The following COMMD10 variants were observed in gnomAD, a reference collection of about 807,000 sequenced individuals.
The protein encoded by COMMD10 is COMM domain-containing protein 10.
COMMD10 carries 33 observed loss-of-function variants against 28.9 expected under a neutral mutation model. That is an observed-to-expected ratio of 1.14 (90% CI 0.87 to 1.53). The LOEUF (loss-of-function observed/expected upper bound fraction) is 1.53. Ranked by LOEUF, COMMD10 falls within the 40% of genes most tolerant of loss-of-function variation. The pLI is 0.00. For synonymous variants in COMMD10, 110 were observed against 81.7 expected (o/e 1.35, Z -1.87); for missense variants, 310 against 233.4 (o/e 1.33, Z -2.14).
At chr5:116,224,389 G>A (rs1170703448) in intron 5 of COMMD10, among the ~76,000 whole-genome samples, 1 of 152,100 alleles carries the variant, frequency 6.6e-6, no homozygotes, top group Non-Finnish European at 1.5e-5. Context: ...GAATATCTGA[G>A]ACTGGGTAAT....
chr5:116,230,841 A>G (rs190388591), intron 5 of COMMD10, among the ~76,000 whole-genome samples: 1 of 151,932 alleles, frequency 6.6e-6, no homozygotes, highest in East Asian at 1.9e-4. Flanking sequence ...CATGATATAT[A>G]GATAAATAAT....
At chr5:116,151,568 T>C (rs2112552878) in intron 5 of COMMD10, among the ~76,000 whole-genome samples, 1 of 152,310 alleles carries the variant, frequency 6.6e-6, no homozygotes, top group East Asian at 1.9e-4. Flanking sequence ...AGTCAACTTC[T>C]TCCTGGTTTA....
At chr5:116,188,207 A>C (rs1220774169) in intron 5 of COMMD10, among the ~76,000 whole-genome samples, 1 of 151,890 alleles carries the variant, frequency 6.6e-6, no homozygotes, top group African/African-American at 2.4e-5. Flanking sequence ...GTCATGATCA[A>C]CTCCTAAGGG....
intron 5 of COMMD10, among the ~76,000 whole-genome samples, chr5:116,192,526 C>G (rs1364299114): frequency 6.6e-6 from 1 of 152,040 alleles, no homozygotes; most frequent in African/African-American, 2.4e-5. Flanking sequence ...GTGAAATGCT[C>G]TGGAAAGTCT....
chr5:116,136,766 A>T (rs1235186766), intron 5 of COMMD10, among the ~76,000 whole-genome samples: 1 of 152,206 alleles, frequency 6.6e-6, no homozygotes, highest in Non-Finnish European at 1.5e-5. Context: ...GGATAGATGC[A>T]TATATGCACA....
intron 5 of COMMD10, among the ~76,000 whole-genome samples, chr5:116,191,177 T>C (rs1484654616): frequency 2.0e-5 from 3 of 152,112 alleles, no homozygotes; most frequent in African/African-American, 7.2e-5. Flanking sequence ...CATTCCTGCA[T>C]GACACCACAG....
In COMMD10 at chr5:116,292,938, A is replaced by G. The variant is rs577552181; in HGVS notation, c.*449A>G. 22 of 396,614 alleles carry G rather than the reference A, an allele frequency of 5.5e-5. No homozygotes were observed. Among genetic ancestry groups the G allele is most frequent in the East Asian group, 2.9e-4 (8 of 27,876 alleles). 24.6% of individuals were successfully genotyped at this position (396,614 alleles called of 1,614,324 possible). On this transcript the variant is annotated 3_prime_UTR_variant, in exon 7 of 7. Transcript: ENST00000274458. Reference sequence around the variant, plus strand: ...ATAGCCATATACAATCAAATACACTATGGCATTTTTATTTGAATATGATGA... The same window carrying G: ...ATAGCCATATACAATCAAATACACTGTGGCATTTTTATTTGAATATGATGA...
chr5:116,159,217 A>G (rs994023480), intron 5 of COMMD10, among the ~76,000 whole-genome samples: 2 of 152,120 alleles, frequency 1.3e-5, no homozygotes, highest in African/African-American at 4.8e-5. Flanking sequence ...CATGATCTAA[A>G]CTCATGCTGC....
chr5:116,163,394 G>T (rs551874370), intron 5 of COMMD10, among the ~76,000 whole-genome samples: 1 of 141,114 alleles, frequency 7.1e-6, no homozygotes, highest in African/African-American at 2.9e-5. Context: ...AGACTAGCCT[G>T]GCCAACATGG....
chr5:116,283,188 A>G (rs1244286222), intron 5 of COMMD10, among the ~76,000 whole-genome samples: 1 of 151,898 alleles, frequency 6.6e-6, no homozygotes. Flanking sequence ...CCTCTCCTAC[A>G]AAAACAACCA....
chr5:116,197,481 A>C (rs1371376280), intron 5 of COMMD10, among the ~76,000 whole-genome samples: 1 of 152,076 alleles, frequency 6.6e-6, no homozygotes, highest in Non-Finnish European at 1.5e-5. Flanking sequence ...TCCTGGGCTC[A>C]AGTGATTCAC....
chr5:116,243,965 A>T (rs539108358), intron 5 of COMMD10, among the ~76,000 whole-genome samples: 41 of 152,320 alleles, frequency 2.7e-4, no homozygotes, highest in African/African-American at 9.9e-4. Flanking sequence ...CATTGAGTCA[A>T]TGGAAAGCCG....
chr5:116,105,664 A>C (rs911052250), intron 4 of COMMD10, among the ~76,000 whole-genome samples: 4 of 152,122 alleles, frequency 2.6e-5, no homozygotes, highest in South Asian at 2.1e-4. Context: ...CAGGGATTCA[A>C]ATTCTTCCTG....
At chr5:116,271,598 C>T (rs1414892948) in intron 5 of COMMD10, among the ~76,000 whole-genome samples, 2 of 151,554 alleles carry the variant, frequency 1.3e-5, no homozygotes, top group Non-Finnish European at 2.9e-5. Context: ...TATGGAAGAT[C>T]AACATTTAAG....
At chr5:116,252,290 G>C (rs965047794) in intron 5 of COMMD10, among the ~76,000 whole-genome samples, 2 of 142,444 alleles carry the variant, frequency 1.4e-5, no homozygotes, top group African/African-American at 2.7e-5. Flanking sequence ...CTGTGCAGAA[G>C]CTCTTTAGTT....
At chr5:116,153,153 A>T (rs563197248) in intron 5 of COMMD10, among the ~76,000 whole-genome samples, 2 of 152,252 alleles carry the variant, frequency 1.3e-5, no homozygotes, top group South Asian at 4.1e-4. Flanking sequence ...TAAAAGTGAT[A>T]ATCTTTGGAG....
chr5:116,267,487 T>G (rs1212441526), intron 5 of COMMD10, among the ~76,000 whole-genome samples: 1 of 151,966 alleles, frequency 6.6e-6, no homozygotes, highest in East Asian at 1.9e-4. Context: ...TGTTCATGGA[T>G]AGGAAGAATC....
intron 5 of COMMD10, among the ~76,000 whole-genome samples, chr5:116,196,654 ATTAT>A (rs1398294777): frequency 1.3e-5 from 2 of 151,932 alleles, no homozygotes; most frequent in African/African-American, 4.8e-5. Context: ...AAAAATGTTT[ATTAT>A]TTAAGGCTGT....
At chr5:116,164,963 T>A (rs1462436187) in intron 5 of COMMD10, among the ~76,000 whole-genome samples, 1 of 152,204 alleles carries the variant, frequency 6.6e-6, no homozygotes, top group Non-Finnish European at 1.5e-5. Flanking sequence ...TTACACAGAA[T>A]GAATCATGGC....
Sources: allele counts gnomAD v4.1 joint callset (sites outside exome capture counted in the v4.1 genomes callset), GRCh38; gene constraint gnomAD v4.1.1; transcripts MANE v1.5; gene names NCBI Gene and HGNC (gene_info 2026-07-23, HGNC 2026-07-21).